The following RBMS3 variants were observed in gnomAD, a reference collection of about 807,000 sequenced individuals.
RBMS3 encodes RNA-binding motif, single-stranded-interacting protein 3.
RBMS3 carries 27 observed loss-of-function variants against 66.8 expected under a neutral mutation model. The ratio of observed to expected loss-of-function variants is 0.40; its 90% CI spans 0.30 to 0.56. The LOEUF is 0.56. RBMS3 is among the 20% of genes least tolerant of loss of function. RBMS3 has a pLI of 0.40. For synonymous variants in RBMS3, 188 were observed against 183.0 expected (o/e 1.03, Z -0.22); for missense variants, 513 against 549.5 (o/e 0.93, Z 0.66).
intron 7 of RBMS3, among the ~76,000 whole-genome samples, chr3:29,880,470 T>C (rs900811335): frequency 3.3e-5 from 5 of 152,218 alleles, no homozygotes; most frequent in African/African-American, 9.6e-5. Context: ...GATGATTTCA[T>C]GGTCCTAGCT....
At chr3:29,360,692 G>T (rs1472380347) in intron 1 of RBMS3, among the ~76,000 whole-genome samples, 3 of 152,002 alleles carry the variant, frequency 2.0e-5, no homozygotes, top group African/African-American at 7.3e-5. Flanking sequence ...AAGTCTCTTT[G>T]TTGGTCTCTA....
chr3:29,648,552 C>T (rs1477114132), intron 4 of RBMS3, among the ~76,000 whole-genome samples: 3 of 152,008 alleles, frequency 2.0e-5, no homozygotes, highest in East Asian at 3.9e-4. Flanking sequence ...AGATTACAGA[C>T]GTGAGCCACC....
intron 3 of RBMS3, among the ~76,000 whole-genome samples, chr3:29,566,297 G>A (rs2046739818): frequency 6.6e-6 from 1 of 152,166 alleles, no homozygotes; most frequent in African/African-American, 2.4e-5. Flanking sequence ...TGGAGGAGAA[G>A]AATTCAGCTC....
chr3:29,642,910 G>C (rs1263290012), intron 4 of RBMS3: 1 of 152,064 alleles, frequency 6.6e-6, no homozygotes, highest in Non-Finnish European at 1.5e-5. Context: ...ATTCAAGTCT[G>C]CCTTTCCCTC....
At chr3:29,601,496 A>G (rs2048142302) in intron 4 of RBMS3, among the ~76,000 whole-genome samples, 1 of 151,990 alleles carries the variant, frequency 6.6e-6, no homozygotes, top group Non-Finnish European at 1.5e-5. Flanking sequence ...GCTGGAAGAG[A>G]GCATAAAGAA....
At chr3:29,353,375 A>G (rs1401510418) in intron 1 of RBMS3, among the ~76,000 whole-genome samples, 2 of 151,966 alleles carry the variant, frequency 1.3e-5, no homozygotes, top group Non-Finnish European at 1.5e-5. Flanking sequence ...GTTTTTTATT[A>G]TTAATATTAG....
chr3:29,727,880 T>A (rs2053951712), intron 4 of RBMS3, among the ~76,000 whole-genome samples: 1 of 152,190 alleles, frequency 6.6e-6, no homozygotes, highest in Non-Finnish European at 1.5e-5. Flanking sequence ...GGATTATTAA[T>A]CATGCTACTA....
chr3:29,346,993 GGTTTTTTTCTA>G (rs2036615126), intron 1 of RBMS3, among the ~76,000 whole-genome samples: 1 of 152,078 alleles, frequency 6.6e-6, no homozygotes, highest in African/African-American at 2.4e-5. Flanking sequence ...CCAGATTTCA[GGTTTTTTTCTA>G]GTTGTGCTCT....
At chr3:29,566,864 C>T (rs955021796) in intron 3 of RBMS3, among the ~76,000 whole-genome samples, 2 of 151,948 alleles carry the variant, frequency 1.3e-5, no homozygotes, top group Admixed American at 6.6e-5. Flanking sequence ...CAAAACTCAA[C>T]AAACTGTACA....
chr3:29,451,617 T>C (rs1049743432), intron 2 of RBMS3, among the ~76,000 whole-genome samples: 1 of 152,182 alleles, frequency 6.6e-6, no homozygotes, highest in Non-Finnish European at 1.5e-5. Context: ...GATCCTTTAC[T>C]TTTTGAGAGG....
intron 4 of RBMS3, among the ~76,000 whole-genome samples, chr3:29,715,263 A>T (rs1487593030): frequency 2.0e-5 from 3 of 152,138 alleles, no homozygotes; most frequent in Non-Finnish European, 4.4e-5. Context: ...TGGGCATTTC[A>T]CAAATGTCTG....
rs139345839 is a variant in RBMS3 at position 29,882,811 on chromosome 3, T to C, written c.745-1351T>C. ...TAAAAAAACTCAAACAGGCAAGGTA[T>C]TTTGTTTTCTTTAAAATGTCTATGG... On this transcript the variant is annotated intron_variant, in intron 7 of 14. Transcript: ENST00000383767. Among the ~76,000 whole-genome samples, 948 of 152,140 alleles carry C rather than the reference T, an allele frequency of 6.2e-3. 8 individuals are homozygous for C. The highest frequency in any genetic ancestry group is 0.022 in the African/African-American group (913 of 41,538).
chr3:29,958,280 T>G (rs988542743), intron 12 of RBMS3, among the ~76,000 whole-genome samples: 1 of 152,220 alleles, frequency 6.6e-6, no homozygotes, highest in Non-Finnish European at 1.5e-5. Context: ...TTCAAAGGGA[T>G]AAAATATCAA....
At chr3:29,468,354 A>T (rs2042609165) in intron 2 of RBMS3, among the ~76,000 whole-genome samples, 2 of 152,152 alleles carry the variant, frequency 1.3e-5, no homozygotes, top group Admixed American at 6.5e-5. Flanking sequence ...TGTTTAGATA[A>T]CTGCACACAA....
Position 29,359,245 on chromosome 3 carries a change from T to C in RBMS3, c.76-75498T>C, listed in dbSNP as rs138622752. Among the ~76,000 whole-genome samples the C allele has an allele frequency of 1.0e-3, 156 of 152,242 alleles. 2 individuals are homozygous for C. The East Asian group carries it at 0.028, about 27-fold the overall frequency. Reference sequence around the variant, plus strand: ...CATCAATACCTAATTTATTGAGAGGTTTTAGCATGAAGGGCTGTTGAATTT... The same window carrying C: ...CATCAATACCTAATTTATTGAGAGGCTTTAGCATGAAGGGCTGTTGAATTT... On this transcript the variant is annotated intron_variant, in intron 1 of 14. Coordinates refer to ENST00000383767, the MANE Select transcript of RBMS3 (RefSeq NM_001003793.3).
chr3:29,648,540 C>T (rs539732049), intron 4 of RBMS3, among the ~76,000 whole-genome samples: 11 of 151,884 alleles, frequency 7.2e-5, no homozygotes, highest in African/African-American at 2.4e-4. Flanking sequence ...CCCAAAGTGC[C>T]GAGATTACAG....
intron 1 of RBMS3, among the ~76,000 whole-genome samples, chr3:29,375,277 A>G (rs927657478): frequency 3.3e-5 from 5 of 152,156 alleles, no homozygotes; most frequent in Admixed American, 2.0e-4. Flanking sequence ...CTAGGCAATA[A>G]CATTCAGGCC....
At chr3:29,650,038 A>G (rs2050085878) in intron 4 of RBMS3, among the ~76,000 whole-genome samples, 1 of 152,192 alleles carries the variant, frequency 6.6e-6, no homozygotes, top group African/African-American at 2.4e-5. Flanking sequence ...TGAGCAAGTC[A>G]GGAAGATCAA....
intron 1 of RBMS3, among the ~76,000 whole-genome samples, chr3:29,369,417 C>A (rs76794013): frequency 2.7e-5 from 4 of 150,510 alleles, no homozygotes; most frequent in African/African-American, 9.8e-5. Flanking sequence ...TTTGCACCAA[C>A]CTAATAGTCA....
Sources: allele counts gnomAD v4.1 joint callset (sites outside exome capture counted in the v4.1 genomes callset), GRCh38; gene constraint gnomAD v4.1.1; transcripts MANE v1.5; gene names NCBI Gene and HGNC (gene_info 2026-07-23, HGNC 2026-07-21).